Variants in GRIK2 observed in about 807,000 individuals in gnomAD.
GRIK2 encodes glutamate ionotropic receptor kainate type subunit 2, also known as glutamate receptor ionotropic, kainate 2.
GRIK2 carries 32 observed loss-of-function variants against 100.3 expected under a neutral mutation model. That is an observed-to-expected ratio of 0.32 (90% CI 0.24 to 0.43). The LOEUF is 0.43. GRIK2 is among the 20% of genes least tolerant of loss of function. GRIK2 has a pLI of 1.00. For missense variants in GRIK2, 843 were observed against 1,114.9 expected (o/e 0.76, Z 3.47); for synonymous variants, 417 against 389.4 (o/e 1.07, Z -0.83).
At chr6:101,852,231 G>A (rs1784174266) in intron 10 of GRIK2, among the ~76,000 whole-genome samples, 1 of 152,038 alleles carries the variant, frequency 6.6e-6, no homozygotes, top group Non-Finnish European at 1.5e-5. Flanking sequence ...TAACCTAAAT[G>A]AAACAAAAGT....
At chr6:101,770,477 ATTG>A (rs1408900383) in intron 7 of GRIK2, among the ~76,000 whole-genome samples, 2 of 152,154 alleles carry the variant, frequency 1.3e-5, no homozygotes, top group African/African-American at 2.4e-5. Context: ...GTGCAAAAAA[ATTG>A]TTGTTGTAAT....
At position 101,408,158 on chromosome 6, in the gene GRIK2, T is replaced by C. The variant is rs192781765; in HGVS notation, c.115+8766T>C. 2.0e-5 allele frequency among the ~76,000 whole-genome samples: 3 copies of C among 152,254 alleles called. No homozygotes were observed. In the East Asian group the frequency reaches 5.8e-4, roughly 29 times the overall value. On this transcript the variant is annotated intron_variant, in intron 2 of 16. Coordinates refer to ENST00000369134, the MANE Select transcript of GRIK2 (RefSeq NM_021956.5). ...AATAGAGGATGGGCTTGACATGGTG[T>C]GCAATAAGCAGTCAAATGATTTTGC...
chr6:101,961,644 A>G (rs1482895813), intron 14 of GRIK2, among the ~76,000 whole-genome samples: 2 of 152,096 alleles, frequency 1.3e-5, no homozygotes, highest in African/African-American at 4.8e-5. Flanking sequence ...TCTTCAGCTC[A>G]CAAGTGGGGA....
chr6:101,550,677 A>G (rs1290709837), intron 2 of GRIK2, among the ~76,000 whole-genome samples: 1 of 152,228 alleles, frequency 6.6e-6, no homozygotes. Flanking sequence ...GGGGAATTAA[A>G]TATTATTTGG....
intron 2 of GRIK2, among the ~76,000 whole-genome samples, chr6:101,479,534 TA>T (rs1173276939): frequency 6.6e-6 from 1 of 152,162 alleles, no homozygotes; most frequent in African/African-American, 2.4e-5. Flanking sequence ...TTAAAACTAA[TA>T]TTGGTATTTT....
At chr6:101,477,303 G>C (rs982931427) in intron 2 of GRIK2, among the ~76,000 whole-genome samples, 1 of 152,178 alleles carries the variant, frequency 6.6e-6, no homozygotes, top group African/African-American at 2.4e-5. Flanking sequence ...TAGTATGTTG[G>C]TGTTAGGGAG....
At chr6:101,725,360 A>G (rs1281799548) in intron 7 of GRIK2, among the ~76,000 whole-genome samples, 1 of 152,048 alleles carries the variant, frequency 6.6e-6, no homozygotes, top group East Asian at 1.9e-4. Context: ...AGTCCTCTCT[A>G]TTGTAATTTC....
chr6:102,027,558 G>T (rs1446769896), intron 14 of GRIK2, among the ~76,000 whole-genome samples: 1 of 137,752 alleles, frequency 7.3e-6, no homozygotes, highest in Non-Finnish European at 1.7e-5. Flanking sequence ...TTTGCATGGT[G>T]GATGTGTTGT....
chr6:101,696,446 A>G (rs1008813491), intron 7 of GRIK2, among the ~76,000 whole-genome samples: 3 of 151,916 alleles, frequency 2.0e-5, no homozygotes, highest in African/African-American at 7.2e-5. Flanking sequence ...GATCCAAAAA[A>G]GTACTCAACT....
At chr6:101,671,083 G>T (rs944898441) in intron 4 of GRIK2, among the ~76,000 whole-genome samples, 3 of 151,998 alleles carry the variant, frequency 2.0e-5, no homozygotes, top group African/African-American at 7.3e-5. Flanking sequence ...TATTCACCTA[G>T]GGTTGTTATT....
chr6:101,950,700 T>A (rs1337194815), intron 14 of GRIK2, among the ~76,000 whole-genome samples: 1 of 152,198 alleles, frequency 6.6e-6, no homozygotes, highest in East Asian at 1.9e-4. Context: ...TTTTTCATTT[T>A]TTTCTTTATG....
intron 2 of GRIK2, among the ~76,000 whole-genome samples, chr6:101,482,385 A>G (rs1284135542): frequency 6.6e-6 from 1 of 152,034 alleles, no homozygotes; most frequent in Non-Finnish European, 1.5e-5. Context: ...TGCTGCCTTG[A>G]GTGAAATGGG....
rs1772272086 is a variant in GRIK2 at position 101,693,722 on chromosome 6, T to C, written c.951+7369T>C. On this transcript the variant is annotated intron_variant, in intron 7 of 16. Transcript: ENST00000369134. The stretch of plus-strand genomic sequence containing the variant: ...ATAGATATATACATATAACATTATA[T>C]AAAAATAAAAAATTATATATATCTA... Among the ~76,000 whole-genome samples the C allele has an allele frequency of 3.3e-5, 5 of 151,864 alleles. No individual in the cohort carries two copies. In the South Asian group the frequency reaches 1.0e-3, roughly 32 times the overall value.
chr6:102,007,091 GT>G (rs1471691798), intron 14 of GRIK2, among the ~76,000 whole-genome samples: 2 of 152,072 alleles, frequency 1.3e-5, no homozygotes, highest in African/African-American at 4.8e-5. Flanking sequence ...ACGTATTCCA[GT>G]TTTTAAGACA....
intron 2 of GRIK2, among the ~76,000 whole-genome samples, chr6:101,491,504 A>G (rs1773108885): frequency 6.6e-6 from 1 of 152,022 alleles, no homozygotes; most frequent in Non-Finnish European, 1.5e-5. Flanking sequence ...AAAAACTCAC[A>G]CATATAAATA....
chr6:102,054,172 G>T (rs1349611478), intron 15 of GRIK2, among the ~76,000 whole-genome samples: 3 of 152,170 alleles, frequency 2.0e-5, no homozygotes, highest in Non-Finnish European at 4.4e-5. Context: ...TTTCAGTTGA[G>T]TTTGGTAGAT....
chr6:101,434,548 G>A (rs973530634), intron 2 of GRIK2, among the ~76,000 whole-genome samples: 3 of 152,040 alleles, frequency 2.0e-5, no homozygotes, highest in African/African-American at 7.2e-5. Context: ...TTCCATCAGA[G>A]GAGTTTGTGA....
intron 2 of GRIK2, among the ~76,000 whole-genome samples, chr6:101,467,935 T>G: frequency 6.6e-6 from 1 of 151,912 alleles, no homozygotes; most frequent in Non-Finnish European, 1.5e-5. Context: ...CGATATATTT[T>G]TTTTTTTAAT....
intron 15 of GRIK2, among the ~76,000 whole-genome samples, chr6:102,045,867 A>G (rs563179765): frequency 6.6e-6 from 1 of 152,222 alleles, no homozygotes; most frequent in African/African-American, 2.4e-5. Flanking sequence ...ATCAATAATA[A>G]CCTTGAATGT....
Sources: gnomAD v4.1 joint callset for allele counts (sites outside exome capture counted in the v4.1 genomes callset) on GRCh38, gnomAD v4.1.1 for gene constraint, MANE v1.5 for transcripts, NCBI Gene and HGNC (gene_info 2026-07-23, HGNC 2026-07-21) for gene names.